RNF145: variants seen among roughly 807,000 people sequenced by gnomAD.
RNF145 encodes ring finger protein 145.
In RNF145, 12 loss-of-function variants were observed where a neutral mutation model predicts 57.3. That is an observed-to-expected ratio of 0.21 (90% CI 0.13 to 0.34). The LOEUF (loss-of-function observed/expected upper bound fraction) is 0.34, where lower values mean the gene tolerates loss of function less well. Among genes scored for constraint, RNF145 ranks in the 10% least tolerant of loss-of-function variants. The pLI is 1.00. For missense variants in RNF145, 429 were observed against 799.0 expected, an observed-to-expected ratio of 0.54 and a Z score of 5.58; for synonymous variants, 262 against 288.3, an observed-to-expected ratio of 0.91 and a Z score of 0.92.
chr5:159,203,273 AATG>A (rs1239498514), intron 2 of RNF145, among the ~76,000 whole-genome samples, 158 bp downstream of exon 2: 14 of 152,230 alleles, frequency 9.2e-5, no homozygotes, highest in African/African-American at 3.4e-4. Flanking sequence ...ATTCATGTGC[AATG>A]ATAAGACAAA....
chr5:159,169,209 T>C (rs537887647), intron 7 of RNF145, among the ~76,000 whole-genome samples, 154 bp from the exon 8 acceptor site: 1 of 152,358 alleles, frequency 6.6e-6, no homozygotes, highest in East Asian at 1.9e-4. Flanking sequence ...ATATTAACTT[T>C]GTAACATTAA....
At chr5:159,173,888 T>G in intron 6 of RNF145, 95 bp downstream of exon 6, 1 of 865,230 alleles carries the variant, frequency 1.2e-6, no homozygotes, top group Non-Finnish European at 1.7e-6. Flanking sequence ...TTGTGTAACA[T>G]GAACGATAAA....
intron 3 of RNF145, among the ~76,000 whole-genome samples, chr5:159,193,100 T>C (rs940221870): frequency 6.6e-6 from 1 of 152,266 alleles, no homozygotes; most frequent in African/African-American, 2.4e-5. Context: ...TTTGGCTCTA[T>C]GGAGAGGGAT....
intron 5 of RNF145, among the ~76,000 whole-genome samples, chr5:159,174,521 GA>G (rs1784653326): frequency 6.6e-6 from 1 of 152,042 alleles, no homozygotes; most frequent in African/African-American, 2.4e-5. Context: ...AGCATGAATT[GA>G]TACAACACTG....
intron 2 of RNF145, among the ~76,000 whole-genome samples, chr5:159,195,665 TC>T (rs1297542310): frequency 6.6e-6 from 1 of 152,224 alleles, no homozygotes; most frequent in Non-Finnish European, 1.5e-5. Flanking sequence ...TTTCACGCTT[TC>T]CAATAAACAC....
Position 159,161,322 on chromosome 5 carries a change from T to C in RNF145, c.1570A>G (p.Ile524Val), listed in dbSNP as rs1399019811. Residue 524 changes from isoleucine to valine, a missense_variant, in exon 10 of 11, where the codon ATT (isoleucine) becomes GTT (valine). Around this residue, in one of 4 missense-constraint regions of RNF145, gnomAD observed 216 missense variants for 457.6 expected, o/e 0.47. Coordinates refer to ENST00000424310, the MANE Select transcript of RNF145 (RefSeq NM_001199383.2). ...DAVNKIKSLPIATKEQLEKHN... is the reference protein window; with the variant it reads ...DAVNKIKSLPVATKEQLEKHN... ...TTCTCAAGCTGCTCTTTCGTAGCAA[T>C]GGGTAACGATTTAATCTTATTCACA... 6.8e-6 allele frequency: 11 copies of C among 1,614,004 alleles called. No individual in the cohort carries two copies. The highest frequency in any genetic ancestry group is 9.3e-6 in the Non-Finnish European group (11 of 1,179,954).
intron 7 of RNF145, 88 bp from the exon 8 acceptor site, chr5:159,169,143 T>C: frequency 9.6e-7 from 1 of 1,046,100 alleles, no homozygotes; most frequent in South Asian, 2.0e-5. Context: ...GCTTAGACTC[T>C]TGTTACATAT....
chr5:159,207,504 TAA>T, intron 1 of RNF145: 6 of 1,276,256 alleles, frequency 4.7e-6, no homozygotes, highest in Admixed American at 2.5e-5. Context: ...CCCAACCAGT[TAA>T]AAAAAAAAAT....
At chr5:159,200,608 A>G (rs371428819) in intron 2 of RNF145, among the ~76,000 whole-genome samples, 1 of 152,220 alleles carries the variant, frequency 6.6e-6, no homozygotes, top group East Asian at 1.9e-4. Context: ...TATAAACTCA[A>G]GAATAAAGAA....
intron 1 of RNF145, among the ~76,000 whole-genome samples, chr5:159,206,961 CA>C (rs34238590): frequency 0.16 from 22,215 of 140,076 alleles, 1,738 homozygotes; most frequent in Non-Finnish European, 0.2. Context: ...AAAAACAAAC[CA>C]AAAAAAAAAA....
At chr5:159,201,674 AACCATGTAT>A (rs1785672192) in intron 2 of RNF145, among the ~76,000 whole-genome samples, 1 of 152,156 alleles carries the variant, frequency 6.6e-6, no homozygotes, top group Non-Finnish European at 1.5e-5. Context: ...CATGATTCAA[AACCATGTAT>A]ACCATGCTAA....
At chr5:159,164,154 C>G (rs1434206435) in intron 8 of RNF145, among the ~76,000 whole-genome samples, 1 of 152,012 alleles carries the variant, frequency 6.6e-6, no homozygotes, top group African/African-American at 2.4e-5. Context: ...ATCAGTAATT[C>G]AGAGAAGAAA....
At chr5:159,171,994 A>C (rs1784575456) in intron 6 of RNF145, among the ~76,000 whole-genome samples, 1 of 152,256 alleles carries the variant, frequency 6.6e-6, no homozygotes, top group Non-Finnish European at 1.5e-5. Flanking sequence ...TTATTTTCTT[A>C]CTTTGTAAAT....
upstream of RNF145, chr5:159,209,943 C>T (rs769750572): frequency 1.3e-6 from 2 of 1,523,278 alleles, no homozygotes; most frequent in East Asian, 2.4e-5. Context: ...TTAACCTCGT[C>T]ACTGACTGGA....
At chr5:159,182,518 T>C (rs1278850955) in intron 3 of RNF145, among the ~76,000 whole-genome samples, 2 of 152,128 alleles carry the variant, frequency 1.3e-5, no homozygotes, top group African/African-American at 4.8e-5. Context: ...ACAAACTAGT[T>C]AGAAAACTGG....
intron 3 of RNF145, among the ~76,000 whole-genome samples, chr5:159,182,767 A>C (rs1562061945): frequency 6.6e-6 from 1 of 152,168 alleles, no homozygotes; most frequent in Non-Finnish European, 1.5e-5. Flanking sequence ...GGGAGAATTT[A>C]GTTTATTATC....
In RNF145 at chr5:159,159,043, A is replaced by C. The variant is rs374067062; in HGVS notation, c.1627-8T>G. The C allele has an allele frequency of 8.7e-6, 14 of 1,602,484 alleles. No homozygotes were observed. The African/African-American group carries it at 1.9e-4, about 22-fold the overall frequency. On this transcript the variant is annotated splice_polypyrimidine_tract_variant and splice_region_variant and intron_variant, in intron 10 of 10. Transcript: ENST00000424310. ...CACAGCAGATTTCATGTCCTAAAAG[A>C]GGGGGAAAAAAGATACCTTATAAAT...
At chr5:159,184,346 G>A (rs898122510) in intron 3 of RNF145, among the ~76,000 whole-genome samples, 2 of 151,982 alleles carry the variant, frequency 1.3e-5, no homozygotes, top group African/African-American at 4.8e-5. Context: ...AAATTTCTAG[G>A]GATAACTAAC....
At chr5:159,186,738 C>T (rs1785070708) in intron 3 of RNF145, among the ~76,000 whole-genome samples, 1 of 152,030 alleles carries the variant, frequency 6.6e-6, no homozygotes, top group South Asian at 2.1e-4. Context: ...TTCTGGCCTC[C>T]TAGATATTGA....
Sources: allele counts gnomAD v4.1 joint callset (sites outside exome capture counted in the v4.1 genomes callset), GRCh38; gene constraint gnomAD v4.1.1; regional missense constraint gnomAD v4.1.1; transcripts MANE v1.5; gene names NCBI Gene and HGNC (gene_info 2026-07-23, HGNC 2026-07-21).